SLC30A10: variants seen among roughly 807,000 people sequenced by gnomAD.
SLC30A10 encodes solute carrier family 30 member 10, also known as calcium/manganese antiporter SLC30A10.
Under a neutral mutation model 21.7 loss-of-function variants are expected in SLC30A10, and 8 were observed. The ratio of observed to expected loss-of-function variants is 0.37; its 90% CI spans 0.22 to 0.67. The LOEUF is 0.67. Ranked by LOEUF, SLC30A10 falls within the 30% of genes least tolerant of loss-of-function variation. The pLI is 0.58. For missense variants in SLC30A10, 521 were observed against 642.5 expected (o/e 0.81, Z 2.04); for synonymous variants, 272 against 279.4 (o/e 0.97, Z 0.26).
upstream of SLC30A10, among the ~76,000 whole-genome samples, chr1:219,929,465 A>G (rs1461380921): frequency 6.6e-6 from 1 of 152,116 alleles, no homozygotes; most frequent in African/African-American, 2.4e-5. Context: ...CCCTGACAGC[A>G]TGACCTGATA....
intron 1 of SLC30A10, among the ~76,000 whole-genome samples, chr1:219,942,661 A>C (rs1660137256): frequency 1.3e-5 from 2 of 152,236 alleles, no homozygotes; most frequent in South Asian, 4.1e-4. Context: ...GACAGAAGCA[A>C]ATGCAAATCT....
chr1:219,919,428 T>C (rs1262436333), intron 2 of SLC30A10, among the ~76,000 whole-genome samples: 6 of 152,148 alleles, frequency 3.9e-5, no homozygotes, highest in Admixed American at 2.6e-4. Flanking sequence ...TTAGAAATGA[T>C]GCATCTCAGG....
At chr1:219,922,196 T>TG (rs1659710371) in intron 2 of SLC30A10, among the ~76,000 whole-genome samples, 1 of 25,232 alleles carries the variant, frequency 4.0e-5, no homozygotes, top group Non-Finnish European at 8.9e-5. Flanking sequence ...TTTTTTTTTT[T>TG]TTTTTTTTTT....
Position 219,918,184 on chromosome 1 carries a change from A to G in SLC30A10, c.958+71T>C. ...TACATAACTCAAACACTGCTCTTAA[A>G]TAATGCTTGTCCTTTGGCCTGAATA... On this transcript the variant is annotated intron_variant, in intron 3 of 3. Transcript: ENST00000366926. This position sits in a 1 kb window ranked among gnomAD's most constrained non-coding sequence, Gnocchi z 4.4. 1.9e-6 allele frequency: 3 copies of G among 1,561,024 alleles called. No individual in the cohort carries two copies. Among genetic ancestry groups the G allele is most frequent in the Non-Finnish European group, 2.6e-6 (3 of 1,151,254 alleles).
At chr1:219,938,361 T>C (rs1193213066) in intron 1 of SLC30A10, among the ~76,000 whole-genome samples, 3 of 152,202 alleles carry the variant, frequency 2.0e-5, no homozygotes, top group South Asian at 4.1e-4. Context: ...ACTCTAGACA[T>C]CTTTCTACCA....
intron 2 of SLC30A10, among the ~76,000 whole-genome samples, chr1:219,922,991 A>T: frequency 6.6e-6 from 1 of 152,206 alleles, no homozygotes; most frequent in Non-Finnish European, 1.5e-5. Context: ...CTACAGATGT[A>T]CATTAAATGT....
intron 2 of SLC30A10, among the ~76,000 whole-genome samples, chr1:219,923,929 GGC>G (rs1346422230): frequency 6.6e-6 from 1 of 152,172 alleles, no homozygotes. Context: ...CGGGTGCAGT[GGC>G]GCGCGCCTGT....
intron 2 of SLC30A10, among the ~76,000 whole-genome samples, chr1:219,919,612 C>A (rs1659628744): frequency 6.6e-6 from 1 of 152,024 alleles, no homozygotes; most frequent in African/African-American, 2.4e-5. Flanking sequence ...CCTATCTCTA[C>A]TAAAAATACA....
At chr1:219,945,013 C>T (rs1404972394) in intron 1 of SLC30A10, among the ~76,000 whole-genome samples, 1 of 152,080 alleles carries the variant, frequency 6.6e-6, no homozygotes. Flanking sequence ...ACAACTGATA[C>T]ATGCAACAAG....
intron 1 of SLC30A10, among the ~76,000 whole-genome samples, chr1:219,956,526 T>C (rs1043836930): frequency 1.3e-5 from 2 of 151,998 alleles, no homozygotes; most frequent in Non-Finnish European, 2.9e-5. Flanking sequence ...GAAACCCATA[T>C]GGCTGGACCA....
At chr1:219,955,229 A>G (rs1442131915) in intron 1 of SLC30A10, among the ~76,000 whole-genome samples, 3 of 152,140 alleles carry the variant, frequency 2.0e-5, no homozygotes, top group African/African-American at 4.8e-5. Flanking sequence ...ACACAAAGCC[A>G]TCGACCATTG....
intron 1 of SLC30A10, among the ~76,000 whole-genome samples, chr1:219,955,064 G>A (rs1660328226): frequency 2.0e-5 from 3 of 152,144 alleles, no homozygotes; most frequent in Admixed American, 2.0e-4. Flanking sequence ...AATAAAGTAA[G>A]CAAGGAATAG....
At chr1:219,932,837 G>T (rs536809891), upstream of SLC30A10, among the ~76,000 whole-genome samples, 1 of 150,558 alleles carries the variant, frequency 6.6e-6, no homozygotes, top group Non-Finnish European at 1.5e-5. Flanking sequence ...TGAGGTGGGC[G>T]CATCACCTTA....
Position 219,914,365 on chromosome 1 carries a change from T to A in SLC30A10, c.*1084A>T, listed in dbSNP as rs1478390496. ...AAATTTTAAGTTCCTCAAAAACACA[T>A]TAAAGGCAGCAATTAAGCTAATTCT... On this transcript the variant is annotated 3_prime_UTR_variant, in exon 4 of 4. Coordinates refer to ENST00000366926, the MANE Select transcript of SLC30A10 (RefSeq NM_018713.3). 6.6e-6 allele frequency: 1 copy of A among 152,222 alleles called. No homozygotes were observed. Among genetic ancestry groups the A allele is most frequent in the Non-Finnish European group, 1.5e-5 (1 of 68,044 alleles). The allele number at this position is 152,222 out of a possible 1,614,324, so 9.4% of individuals were successfully genotyped here. A position where few individuals can be genotyped will look rare whatever the true frequency, so the allele number is the denominator to read the frequency against.
chr1:219,946,663 C>T (rs1036933718), intron 1 of SLC30A10, among the ~76,000 whole-genome samples: 34 of 152,214 alleles, frequency 2.2e-4, no homozygotes, highest in African/African-American at 7.9e-4. Context: ...CTTCCTCCTT[C>T]CAACTGCCTG....
chr1:219,927,663 A>AAAAAC, intron 1 of SLC30A10, 138 bp downstream of exon 1: 1 of 369,720 alleles, frequency 2.7e-6, no homozygotes. Flanking sequence ...AAAAAAAAAA[A>AAAAAC]AAAAACAACA....
At chr1:219,916,017 A>T (rs1659533428) in intron 3 of SLC30A10, 69 bp from the exon 4 acceptor site, 1 of 1,539,114 alleles carries the variant, frequency 6.5e-7, no homozygotes, top group Admixed American at 1.9e-5. Flanking sequence ...TACAGGAGGG[A>T]TATGGTTCCG....
Position 219,928,310 on chromosome 1 carries a change from A to G in SLC30A10, c.131T>C (p.Met44Thr). 1.2e-6 allele frequency: 2 copies of G among 1,610,950 alleles called. No individual in the cohort carries two copies. The highest frequency in any genetic ancestry group is 1.7e-6 in the Non-Finnish European group (2 of 1,179,100). ...GCACAGCGAGATCAGGTCGGAGAGC[A>G]TGTTGAAGGAGTCGGAGAGCAGCGC... ...SIALLSDSFN[M>T]LSDLISLCVG... Residue 44 changes from methionine to threonine, a missense_variant, in exon 1 of 4, where the codon ATG becomes ACG. Coordinates refer to ENST00000366926, the MANE Select transcript of SLC30A10 (RefSeq NM_018713.3). This position sits in a 1 kb window ranked among gnomAD's most constrained non-coding sequence, Gnocchi z 6.3.
rs1659396167 is a variant in SLC30A10, at chr1:219,911,001, G to A, written c.*4448C>T. ...GTTTGACAACCTCATTTCTACCTGT[G>A]GCTACTCAAGGGTAAATAAACTAAG... is the stretch of plus-strand genomic sequence containing the variant. On this transcript the variant is annotated 3_prime_UTR_variant, in exon 4 of 4. Transcript: ENST00000366926. Among the ~76,000 whole-genome samples the A allele has an allele frequency of 6.6e-6, 1 of 151,984 alleles. No homozygotes were observed. Among genetic ancestry groups the A allele is most frequent in the African/African-American group, 2.4e-5 (1 of 41,378 alleles).
Sources: gnomAD v4.1 joint callset for allele counts (sites outside exome capture counted in the v4.1 genomes callset) on GRCh38, gnomAD v4.1.1 for gene constraint, Gnocchi (gnomAD v3.1) non-coding constraint, MANE v1.5 for transcripts, NCBI Gene and HGNC (gene_info 2026-07-23, HGNC 2026-07-21) for gene names.